The following ZNF638 variants were observed in gnomAD, a reference collection of about 807,000 sequenced individuals.
ZNF638 encodes the protein CTCL tumor antigen se33-1.
ZNF638 carries 46 observed loss-of-function variants against 195.6 expected under a neutral mutation model. The ratio of observed to expected loss-of-function variants is 0.24; its 90% confidence interval spans 0.19 to 0.30. ZNF638 has a LOEUF of 0.30. Among genes scored for constraint, ZNF638 ranks in the 10% least tolerant of loss-of-function variants. The pLI, the probability that ZNF638 is intolerant of heterozygous loss-of-function variation, is 1.00. For missense variants in ZNF638, 2,440 were observed against 2,325.3 expected, an observed-to-expected ratio of 1.05 and a Z score of -1.01; for synonymous variants, 845 against 772.0, an observed-to-expected ratio of 1.09 and a Z score of -1.57.
At position 71,349,176 on chromosome 2, in the gene ZNF638, T is replaced by G. The variant is rs1170327578; in HGVS notation, c.222T>G (p.Thr74=). ...MGPQRMNVQV[T]QHRTDPRLTK... is the part of the protein sequence containing the mutation. ...CACAGAGAATGAATGTTCAGGTAAC[T>G]CAACACAGAACTGATCCAAGATTGA... Residue 74 remains threonine, a synonymous_variant, in exon 2 of 28, where the codon ACT becomes ACG. Transcript: ENST00000264447. The G allele has an allele frequency of 1.9e-6, 3 of 1,614,114 alleles. 1 individual carries two copies. In the South Asian group the frequency reaches 3.3e-5, roughly 18 times the overall value.
At position 71,349,092 on chromosome 2, in the gene ZNF638, G is replaced by C. The variant is rs780396533; in HGVS notation, c.138G>C (p.Gly46=). 1.5e-5 allele frequency: 25 copies of C among 1,614,178 alleles called. No individual in the cohort carries two copies. Among genetic ancestry groups the C allele is most frequent in the Non-Finnish European group, 2.1e-5 (25 of 1,180,036 alleles). Reference sequence around the variant, plus strand: ...GTCTCCCAAGATTTTACCCAGCAGGGAGAGCACGTGGAATTCCACACAGAT... The same window carrying C: ...GTCTCCCAAGATTTTACCCAGCAGGCAGAGCACGTGGAATTCCACACAGAT... ...SMGLPRFYPA[G]RARGIPHRFA... The change falls in exon 2 of 28, where the codon GGG becomes GGC. Residue 46 remains glycine (G), a synonymous_variant. Transcript: ENST00000264447.
intron 1 of ZNF638, among the ~76,000 whole-genome samples, chr2:71,347,124 C>T (rs1190186812): frequency 1.3e-5 from 2 of 152,046 alleles, no homozygotes; most frequent in African/African-American, 4.8e-5. Context: ...TGAATAAAGT[C>T]AGGTGAGCGT....
At chr2:71,350,641 G>A (rs531307627) in intron 2 of ZNF638, among the ~76,000 whole-genome samples, 4 of 152,270 alleles carry the variant, frequency 2.6e-5, no homozygotes, top group East Asian at 3.9e-4. Context: ...CAAAGAGATG[G>A]TATAACCCAT....
At chr2:71,419,887 C>G (rs965163160) in intron 21 of ZNF638, among the ~76,000 whole-genome samples, 3 of 140,020 alleles carry the variant, frequency 2.1e-5, no homozygotes, top group Non-Finnish European at 4.5e-5. Flanking sequence ...GAATATATTT[C>G]TTAAATAATT....
chr2:71,351,116 G>T (rs1484069318), intron 2 of ZNF638, among the ~76,000 whole-genome samples: 2 of 152,140 alleles, frequency 1.3e-5, no homozygotes, highest in African/African-American at 4.8e-5. Context: ...GATTTAGATT[G>T]TAAAGGGTCA....
chr2:71,370,847 C>G (rs2079297493), intron 8 of ZNF638, among the ~76,000 whole-genome samples: 1 of 152,102 alleles, frequency 6.6e-6, no homozygotes. Context: ...CAGTTATACT[C>G]TTATAATTGT....
At chr2:71,425,439 A>G (rs1161980614) in intron 23 of ZNF638, among the ~76,000 whole-genome samples, 1 of 152,182 alleles carries the variant, frequency 6.6e-6, no homozygotes, top group Non-Finnish European at 1.5e-5. Context: ...TATTCTCCCT[A>G]GAAATTACAG....
chr2:71,390,976 A>T (rs867695347), intron 10 of ZNF638, among the ~76,000 whole-genome samples: 1 of 152,190 alleles, frequency 6.6e-6, no homozygotes, highest in African/African-American at 2.4e-5. Flanking sequence ...CACTGTTGTT[A>T]TTCTTCCCCT....
At chr2:71,398,847 C>T (rs562510384) in intron 12 of ZNF638, 75 bp downstream of exon 12, 38 of 1,296,768 alleles carry the variant, frequency 2.9e-5, no homozygotes, top group Non-Finnish European at 4.0e-5. Flanking sequence ...TAATTTTTAG[C>T]ATCTAATACT....
intron 3 of ZNF638, among the ~76,000 whole-genome samples, chr2:71,360,215 C>T (rs1405879516): frequency 6.6e-6 from 1 of 152,150 alleles, no homozygotes; most frequent in Non-Finnish European, 1.5e-5. Flanking sequence ...TGTTCTTCAT[C>T]TATATTCACC....
chr2:71,337,513 A>G (rs913467257), intron 1 of ZNF638, among the ~76,000 whole-genome samples: 1 of 152,090 alleles, frequency 6.6e-6, no homozygotes, highest in African/African-American at 2.4e-5. Flanking sequence ...CCTGGGCTCA[A>G]GCGATCCTCC....
intron 7 of ZNF638, among the ~76,000 whole-genome samples, chr2:71,369,635 A>G (rs2079272857): frequency 6.6e-6 from 1 of 152,116 alleles, no homozygotes; most frequent in South Asian, 2.1e-4. Context: ...CTCTTCTTCC[A>G]TGAGCCTGCC....
chr2:71,339,395 C>T (rs2104102574), intron 1 of ZNF638, among the ~76,000 whole-genome samples: 1 of 152,284 alleles, frequency 6.6e-6, no homozygotes, highest in African/African-American at 2.4e-5. Flanking sequence ...TGGTGATCCG[C>T]CCTCCTCAGC....
intron 12 of ZNF638, 45 bp from the exon 13 acceptor site, chr2:71,399,514 A>G: frequency 1.4e-6 from 2 of 1,388,224 alleles, no homozygotes; most frequent in Non-Finnish European, 2.0e-6. Flanking sequence ...ATGCTAAATG[A>G]TTTAACAAGA....
intron 1 of ZNF638, among the ~76,000 whole-genome samples, chr2:71,332,641 C>T (rs914596221): frequency 2.0e-5 from 3 of 152,128 alleles, no homozygotes; most frequent in Non-Finnish European, 1.5e-5. Context: ...AGCTTGGGCC[C>T]CGTTCTCTTA....
chr2:71,417,466 C>G (rs1308782005), intron 20 of ZNF638, among the ~76,000 whole-genome samples: 2 of 146,118 alleles, frequency 1.4e-5, no homozygotes, highest in Non-Finnish European at 3.1e-5. Context: ...AGCTGTAGAC[C>G]GGAGCTGTTC....
At chr2:71,359,204 C>A (rs914352108) in intron 3 of ZNF638, among the ~76,000 whole-genome samples, 1 of 152,120 alleles carries the variant, frequency 6.6e-6, no homozygotes, top group Non-Finnish European at 1.5e-5. Flanking sequence ...CCACAATATG[C>A]TGTCTGTGTG....
At chr2:71,393,286 C>T in intron 10 of ZNF638, 1 of 625,166 alleles carries the variant, frequency 1.6e-6, no homozygotes, top group East Asian at 2.8e-5. Flanking sequence ...CCTCTCAAGA[C>T]ATAAAACCCG....
intron 2 of ZNF638, among the ~76,000 whole-genome samples, chr2:71,354,900 C>G (rs2078999021): frequency 6.6e-6 from 1 of 152,076 alleles, no homozygotes; most frequent in Admixed American, 6.5e-5. Flanking sequence ...ATCTTATTTG[C>G]CAGTATAGTG....
Sources: gnomAD v4.1 joint callset for allele counts (sites outside exome capture counted in the v4.1 genomes callset) on GRCh38, gnomAD v4.1.1 for gene constraint, MANE v1.5 for transcripts, NCBI Gene and HGNC (gene_info 2026-07-23, HGNC 2026-07-21) for gene names.